Variants in GALNT13 observed in about 807,000 individuals in gnomAD.
GALNT13 encodes UDP-GalNAc:polypeptide N-acetylgalactosaminyltransferase 13.
A neutral mutation model predicts 64.2 loss-of-function variants in GALNT13; 28 were observed. That is an observed-to-expected ratio of 0.44 (90% CI 0.32 to 0.60). The LOEUF (loss-of-function observed/expected upper bound fraction) is 0.60, where lower values mean the gene tolerates loss of function less well. Ranked by LOEUF, GALNT13 falls within the 20% of genes least tolerant of loss-of-function variation. The probability of loss-of-function intolerance (pLI) is 0.05; values close to 1 mark genes in which losing one functional copy is unlikely to be tolerated. For missense variants in GALNT13, 577 were observed against 669.8 expected (o/e 0.86, Z 1.53); for synonymous variants, 214 against 224.6 (o/e 0.95, Z 0.42).
At chr2:153,478,540 G>T in the GALNT13 span, 3 of 1,603,126 alleles carry the variant, frequency 1.9e-6, no homozygotes, top group Non-Finnish European at 2.6e-6. Context: ...CGCCACGTCC[G>T]TCTGGTTGCC....
chr2:154,453,118 C>G lies in GALNT13; in HGVS notation c.*2567C>G, dbSNP rs1393944489. On this transcript the variant is annotated 3_prime_UTR_variant, in exon 13 of 13. Transcript: ENST00000392825. ...CACCATATCCACTAGGTGTCACTACCTCTAACCTTTTTAATCGCAATATGC... is the reference window on the plus strand; with the variant it reads ...CACCATATCCACTAGGTGTCACTACGTCTAACCTTTTTAATCGCAATATGC... The G allele has an allele frequency of 6.6e-6, 1 of 152,102 alleles. No homozygotes were observed. Among genetic ancestry groups the G allele is most frequent in the Non-Finnish European group, 1.5e-5 (1 of 68,020 alleles). 9.4% of individuals were successfully genotyped at this position (152,102 alleles called of 1,614,324 possible). A position where few individuals can be genotyped will look rare whatever the true frequency, so the allele number is the denominator to read the frequency against.
intron 8 of GALNT13, among the ~76,000 whole-genome samples, chr2:154,298,608 T>TAATTTATATATACAATGTATATA (rs1190599505): frequency 0.012 from 47 of 3,868 alleles, 11 homozygotes; most frequent in African/African-American, 0.025. Context: ...AATGTATATA[T>TAATTTATATATACAATGTATATA]TAATTTATAT....
chr2:153,762,961 A>G, the GALNT13 span, among the ~76,000 whole-genome samples: 3 of 151,842 alleles, frequency 2.0e-5, no homozygotes, highest in Non-Finnish European at 4.4e-5. Flanking sequence ...ATAACAAACT[A>G]TTTTAAGCTG....
the GALNT13 span, among the ~76,000 whole-genome samples, chr2:153,541,051 G>T: frequency 6.6e-6 from 1 of 152,234 alleles, no homozygotes; most frequent in African/African-American, 2.4e-5. Context: ...GGAATGATAT[G>T]GTTTGGCTGT....
At chr2:153,720,961 C>T in the GALNT13 span, among the ~76,000 whole-genome samples, 10 of 152,032 alleles carry the variant, frequency 6.6e-5, no homozygotes, top group Non-Finnish European at 1.2e-4. Context: ...ATACAGAGAA[C>T]GCCACAAAGA....
chr2:154,410,033 T>A (rs988012816), intron 11 of GALNT13, among the ~76,000 whole-genome samples: 8 of 152,032 alleles, frequency 5.3e-5, no homozygotes, highest in African/African-American at 1.9e-4. Context: ...ATTCTTAATT[T>A]AAAAAATCCT....
chr2:153,436,283 A>T, the GALNT13 span, among the ~76,000 whole-genome samples: 1 of 152,170 alleles, frequency 6.6e-6, no homozygotes, highest in African/African-American at 2.4e-5. Context: ...ATTGGTCTAA[A>T]ATTCTCTTTT....
the GALNT13 span, among the ~76,000 whole-genome samples, chr2:153,623,524 C>T: frequency 1.3e-5 from 2 of 151,990 alleles, 1 homozygote; most frequent in East Asian, 3.9e-4. Context: ...TGCCTTTATT[C>T]TAATAACAGC....
chr2:153,632,093 C>T, the GALNT13 span, among the ~76,000 whole-genome samples: 4 of 152,258 alleles, frequency 2.6e-5, no homozygotes, highest in South Asian at 6.2e-4. Flanking sequence ...TGAATCCTCT[C>T]CCAAGTCCCT....
chr2:153,742,314 A>T, the GALNT13 span, among the ~76,000 whole-genome samples: 1 of 151,968 alleles, frequency 6.6e-6, no homozygotes, highest in Admixed American at 6.6e-5. Context: ...TAAATTCGTA[A>T]ATTTTTTTTT....
chr2:153,107,964 C>T, the GALNT13 span, among the ~76,000 whole-genome samples: 1 of 152,154 alleles, frequency 6.6e-6, no homozygotes, highest in South Asian at 2.1e-4. Flanking sequence ...CTTACCTCTG[C>T]TTCCCTGGGT....
chr2:154,135,291 C>T (rs1472284947), intron 3 of GALNT13, among the ~76,000 whole-genome samples: 1 of 151,934 alleles, frequency 6.6e-6, no homozygotes, highest in Non-Finnish European at 1.5e-5. Context: ...GATCAGTGTT[C>T]TCTTGTTTCT....
intron 9 of GALNT13, among the ~76,000 whole-genome samples, chr2:154,377,431 A>G (rs1212455567): frequency 6.6e-6 from 1 of 152,140 alleles, no homozygotes; most frequent in Non-Finnish European, 1.5e-5. Flanking sequence ...GCAGGCAGGT[A>G]GGAAGGGAGG....
intron 4 of GALNT13, among the ~76,000 whole-genome samples, chr2:154,185,690 T>A (rs1244333391): frequency 6.6e-6 from 1 of 151,888 alleles, no homozygotes; most frequent in Non-Finnish European, 1.5e-5. Context: ...AGAATTTCTA[T>A]TTTTTTATAA....
the GALNT13 span, among the ~76,000 whole-genome samples, chr2:153,522,101 G>T: frequency 8.5e-5 from 13 of 152,150 alleles, no homozygotes; most frequent in Admixed American, 7.2e-4. Flanking sequence ...TTGGGAGGCC[G>T]TGGTGGGCAG....
the GALNT13 span, among the ~76,000 whole-genome samples, chr2:153,128,473 C>T: frequency 6.6e-6 from 1 of 152,012 alleles, no homozygotes; most frequent in African/African-American, 2.4e-5. Context: ...CATGGGGTAC[C>T]TCCCACAACA....
chr2:153,461,168 T>A, the GALNT13 span, among the ~76,000 whole-genome samples: 10 of 152,246 alleles, frequency 6.6e-5, no homozygotes, highest in East Asian at 1.9e-3. Flanking sequence ...TTGCTTCATG[T>A]CTCACCAAAA....
the GALNT13 span, chr2:153,159,364 T>G: frequency 6.6e-6 from 1 of 152,324 alleles, no homozygotes; most frequent in Non-Finnish European, 1.5e-5. Flanking sequence ...TGAAGTACGC[T>G]TCCATCAAAC....
At chr2:153,688,991 GGTGTGTGTGTGTGTGTGT>G in the GALNT13 span, among the ~76,000 whole-genome samples, 9 of 130,156 alleles carry the variant, frequency 6.9e-5, no homozygotes, top group African/African-American at 1.2e-4. Flanking sequence ...TAGAGGTAGG[GGTGTGTGTGTGTGTGTGT>G]GTGTGTGTGT....
Sources: gnomAD v4.1 joint callset for allele counts (sites outside exome capture counted in the v4.1 genomes callset) on GRCh38, gnomAD v4.1.1 for gene constraint, MANE v1.5 for transcripts, NCBI Gene and HGNC (gene_info 2026-07-23, HGNC 2026-07-21) for gene names.